The following GNAI1 variants were observed in gnomAD, a reference collection of about 807,000 sequenced individuals.
The protein encoded by GNAI1 is guanine nucleotide-binding protein G(i) subunit alpha-1.
Under a neutral mutation model 38.9 loss-of-function variants are expected in GNAI1, and 11 were observed. The observed-to-expected ratio is 0.28, with a 90% confidence interval of 0.18 to 0.47. The LOEUF is 0.47. GNAI1 is among the 20% of genes least tolerant of loss of function. The pLI, the probability that GNAI1 is intolerant of heterozygous loss-of-function variation, is 0.99. For missense variants in GNAI1, 317 were observed against 436.9 expected, an observed-to-expected ratio of 0.73 and a Z score of 2.45; for synonymous variants, 166 against 145.1, an observed-to-expected ratio of 1.14 and a Z score of -1.04.
chr7:80,142,461 C>T (rs966519746), intron 1 of GNAI1, among the ~76,000 whole-genome samples: 1 of 152,160 alleles, frequency 6.6e-6, no homozygotes, highest in Non-Finnish European at 1.5e-5. Flanking sequence ...AGTCTTCCTT[C>T]GTCTCCCTTC....
At position 80,199,344 on chromosome 7, in the gene GNAI1, C is replaced by T. The variant is rs1193102641; in HGVS notation, c.423C>T (p.Asn141=). 6 of 1,611,832 alleles carry T rather than the reference C, an allele frequency of 3.7e-6. No individual in the cohort carries two copies. The highest frequency in any genetic ancestry group is 1.7e-5 in the Admixed American group (1 of 59,896). ...ATAGTGGTGTACAAGCCTGTTTCAA[C>T]AGATCCCGAGAGTACCAGCTTAATG... The part of the protein sequence containing the change: ...WKDSGVQACF[N]RSREYQLNDS... Residue 141 remains asparagine (N), a synonymous_variant, in exon 4 of 8, where the codon AAC becomes AAT. Transcript: ENST00000649796.
At chr7:80,139,278 A>T (rs2189341) in intron 1 of GNAI1, among the ~76,000 whole-genome samples, 124,672 of 152,096 alleles carry the variant, frequency 0.82, 51,862 homozygotes, top group Non-Finnish European at 0.88. Flanking sequence ...GCTCTCTTGC[A>T]TCTTGTCTTT....
At chr7:80,143,140 CA>C (rs1787555024) in intron 1 of GNAI1, among the ~76,000 whole-genome samples, 1 of 152,172 alleles carries the variant, frequency 6.6e-6, no homozygotes, top group Admixed American at 6.5e-5. Context: ...TCACTAGTAG[CA>C]TTTGTAAGAT....
chr7:80,180,735 A>C (rs1277306136), intron 1 of GNAI1, among the ~76,000 whole-genome samples: 1 of 152,134 alleles, frequency 6.6e-6, no homozygotes, highest in South Asian at 2.1e-4. Context: ...CTAGAGTGAT[A>C]TATTTCCTGC....
intron 1 of GNAI1, among the ~76,000 whole-genome samples, chr7:80,151,355 ATAAT>A (rs1787723347): frequency 6.6e-6 from 1 of 152,196 alleles, no homozygotes; most frequent in Non-Finnish European, 1.5e-5. Flanking sequence ...ATGAAAACAT[ATAAT>A]TAAGTAGAAA....
intron 5 of GNAI1, among the ~76,000 whole-genome samples, chr7:80,205,680 C>T (rs1029546243): frequency 3.3e-5 from 5 of 151,554 alleles, no homozygotes; most frequent in Admixed American, 2.0e-4. Flanking sequence ...TAACTTTTAC[C>T]CAACTCCATC....
At chr7:80,189,810 T>G (rs1788449213) in intron 3 of GNAI1, among the ~76,000 whole-genome samples, 1 of 152,106 alleles carries the variant, frequency 6.6e-6, no homozygotes, top group Non-Finnish European at 1.5e-5. Context: ...CCCAGGAAAT[T>G]ACATGGTACA....
chr7:80,178,458 A>G (rs991680742), intron 1 of GNAI1, among the ~76,000 whole-genome samples: 1 of 152,160 alleles, frequency 6.6e-6, no homozygotes, highest in African/African-American at 2.4e-5. Flanking sequence ...AGCAGACTTC[A>G]TTATTGTATT....
chr7:80,136,831 A>G (rs965932276), intron 1 of GNAI1, among the ~76,000 whole-genome samples: 1 of 152,198 alleles, frequency 6.6e-6, no homozygotes, highest in Non-Finnish European at 1.5e-5. Context: ...AAAATGAATC[A>G]TCTGGTGGTG....
intron 4 of GNAI1, among the ~76,000 whole-genome samples, chr7:80,199,666 T>C (rs953376749): frequency 2.0e-5 from 3 of 152,176 alleles, no homozygotes; most frequent in Admixed American, 6.5e-5. Flanking sequence ...AGAAAGTAAC[T>C]GGAACTTTCC....
chr7:80,154,313 C>T (rs983864774), intron 1 of GNAI1, among the ~76,000 whole-genome samples: 1 of 152,160 alleles, frequency 6.6e-6, no homozygotes, highest in Non-Finnish European at 1.5e-5. Context: ...AGAGTTCTCA[C>T]TTGTAAACAT....
rs1789147918 is a variant in GNAI1 at position 80,225,721 on chromosome 7, C to T, written c.*8228C>T. Among the ~76,000 whole-genome samples the T allele has an allele frequency of 6.6e-6, 1 of 152,126 alleles. No homozygotes were observed. Among genetic ancestry groups the T allele is most frequent in the African/African-American group, 2.4e-5 (1 of 41,414 alleles). ...AAGACAGAAGATTGCAAATGGTTTG[C>T]TCTTTAACAGTCAATAAAATCATAT... On this transcript the variant is annotated 3_prime_UTR_variant, in exon 8 of 8. Transcript: ENST00000649796.
At position 80,218,516 on chromosome 7, in the gene GNAI1, C is replaced by CT. The variant is rs1789014635; in HGVS notation, c.*1025dup. The CT allele has an allele frequency of 6.6e-6, 1 of 151,864 alleles. No individual in the cohort carries two copies. The highest frequency in any genetic ancestry group is 1.5e-5 in the Non-Finnish European group (1 of 67,964). 9.4% of individuals were successfully genotyped at this position (151,864 alleles called of 1,614,324 possible). On this transcript the variant is annotated 3_prime_UTR_variant, in exon 8 of 8. Coordinates refer to ENST00000649796, the MANE Select transcript of GNAI1 (RefSeq NM_002069.6). Reference sequence around the variant, plus strand: ...GGCTTTTATTTCCCTTGAGGAGTCTCTTGTACCTAGCATACATGATAGCTC... The same window carrying CT: ...GGCTTTTATTTCCCTTGAGGAGTCTCTTTGTACCTAGCATACATGATAGCTC...
rs1787383028 is a variant in GNAI1, at chr7:80,135,059, G to A, written c.-102G>A. The A allele has an allele frequency of 1.5e-6, 1 of 659,896 alleles. No homozygotes were observed. Among genetic ancestry groups the A allele is most frequent in the African/African-American group, 1.9e-5 (1 of 53,180 alleles). The allele number at this position is 659,896 out of a possible 1,614,324, so 40.9% of individuals were successfully genotyped here. A position where few individuals can be genotyped will look rare whatever the true frequency, so the allele number is the denominator to read the frequency against. ...GTGGGGGCGGCGTGGCCCCCGTCGGGAGGCGTTCGAACGCCCGCTAGGAGA... is the reference window on the plus strand; with the variant it reads ...GTGGGGGCGGCGTGGCCCCCGTCGGAAGGCGTTCGAACGCCCGCTAGGAGA... On this transcript the variant is annotated 5_prime_UTR_variant, in exon 1 of 8. Transcript: ENST00000649796.
At position 80,218,535 on chromosome 7, in the gene GNAI1, A is replaced by G. The variant is rs967141325; in HGVS notation, c.*1042A>G. Reference sequence around the variant, plus strand: ...GAGTCTCTTGTACCTAGCATACATGATAGCTCCTTGTTGGGAAGATAACAA... The same window carrying G: ...GAGTCTCTTGTACCTAGCATACATGGTAGCTCCTTGTTGGGAAGATAACAA... On this transcript the variant is annotated 3_prime_UTR_variant, in exon 8 of 8. Coordinates refer to ENST00000649796, the MANE Select transcript of GNAI1 (RefSeq NM_002069.6). 9 of 152,080 alleles carry G rather than the reference A, an allele frequency of 5.9e-5. No homozygotes were observed. The highest frequency in any genetic ancestry group is 1.0e-4 in the Non-Finnish European group (7 of 67,992). The allele number at this position is 152,080 out of a possible 1,614,324, so 9.4% of individuals were successfully genotyped here.
intron 1 of GNAI1, among the ~76,000 whole-genome samples, chr7:80,151,510 G>A (rs1461869856): frequency 6.6e-6 from 1 of 152,036 alleles, no homozygotes; most frequent in Non-Finnish European, 1.5e-5. Context: ...TTCACATGTG[G>A]TATGCCTACT....
intron 3 of GNAI1, among the ~76,000 whole-genome samples, chr7:80,196,872 A>G (rs968063584): frequency 4.6e-5 from 7 of 152,002 alleles, no homozygotes; most frequent in African/African-American, 1.7e-4. Context: ...AATTGTTACT[A>G]TAGTAGAGTA....
Position 80,222,680 on chromosome 7 carries a change from C to A in GNAI1, c.*5187C>A, listed in dbSNP as rs977269648. Among the ~76,000 whole-genome samples the A allele has an allele frequency of 6.6e-6, 1 of 152,048 alleles. No individual in the cohort carries two copies. Among genetic ancestry groups the A allele is most frequent in the African/African-American group, 2.4e-5 (1 of 41,366 alleles). On this transcript the variant is annotated 3_prime_UTR_variant, in exon 8 of 8. Coordinates refer to ENST00000649796, the MANE Select transcript of GNAI1 (RefSeq NM_002069.6). Reference sequence around the variant, plus strand: ...GGGATTACAGGTGTGAGCCACCGCACCTGGCCAAAATATTTTTAATTGATT... The same window carrying A: ...GGGATTACAGGTGTGAGCCACCGCAACTGGCCAAAATATTTTTAATTGATT...
intron 7 of GNAI1, among the ~76,000 whole-genome samples, chr7:80,215,956 T>G (rs7793962): frequency 0.059 from 8,977 of 152,014 alleles, 934 homozygotes; most frequent in African/African-American, 0.21. Context: ...TGAGCGCCAG[T>G]GTGGAGGAGA....
Sources: gnomAD v4.1 joint callset for allele counts (sites outside exome capture counted in the v4.1 genomes callset) on GRCh38, gnomAD v4.1.1 for gene constraint, MANE v1.5 for transcripts, NCBI Gene and HGNC (gene_info 2026-07-23, HGNC 2026-07-21) for gene names.